Variants in C1QTNF3 observed in about 807,000 individuals in gnomAD.
The protein encoded by C1QTNF3 is complement C1q tumor necrosis factor-related protein 3.
Under a neutral mutation model 32.6 loss-of-function variants are expected in C1QTNF3, and 26 were observed. The observed-to-expected ratio is 0.80, with a 90% CI of 0.58 to 1.11. The LOEUF (loss-of-function observed/expected upper bound fraction) is 1.11. Among genes scored for constraint, C1QTNF3 ranks in the 50% least tolerant of loss-of-function variants. The pLI is 0.00. For missense variants in C1QTNF3, 362 were observed against 398.2 expected, an observed-to-expected ratio of 0.91 and a Z score of 0.77; for synonymous variants, 155 against 146.0, an observed-to-expected ratio of 1.06 and a Z score of -0.44.
chr5:34,209,247 T>C, the C1QTNF3 span, among the ~76,000 whole-genome samples: 1 of 151,950 alleles, frequency 6.6e-6, no homozygotes, highest in Non-Finnish European at 1.5e-5. Context: ...TTACTTACAT[T>C]GGACTAAAGA....
the C1QTNF3 span, among the ~76,000 whole-genome samples, chr5:34,183,430 A>T: frequency 8.5e-6 from 1 of 117,516 alleles, no homozygotes; most frequent in African/African-American, 3.4e-5. Flanking sequence ...TCTGGAGTTC[A>T]GGTGATTCTC....
chr5:34,064,166 A>T, the C1QTNF3 span, among the ~76,000 whole-genome samples: 2 of 152,164 alleles, frequency 1.3e-5, no homozygotes, highest in Non-Finnish European at 1.5e-5. Flanking sequence ...CAGCCACGCT[A>T]ATCTTTTTAA....
At position 34,020,308 on chromosome 5, in the gene C1QTNF3, C is replaced by T. The variant is rs112232502; in HGVS notation, c.*275G>A. The T allele has an allele frequency of 4.6e-4, 144 of 316,010 alleles. 1 individual carries two copies. The highest frequency in any genetic ancestry group is 2.5e-3 in the African/African-American group (116 of 46,972). The allele number at this position is 316,010 out of a possible 1,614,324, so 19.6% of individuals were successfully genotyped here. Reference sequence around the variant, plus strand: ...GATAGAAAAAAATATTTCCAACCTGCGTCAGAGGAGAATTATCTTTTAGGT... The same window carrying T: ...GATAGAAAAAAATATTTCCAACCTGTGTCAGAGGAGAATTATCTTTTAGGT... On this transcript the variant is annotated 3_prime_UTR_variant, in exon 6 of 6. Coordinates refer to ENST00000382065, the MANE Select transcript of C1QTNF3 (RefSeq NM_181435.6).
At chr5:34,162,442 G>A in the C1QTNF3 span, among the ~76,000 whole-genome samples, 1 of 152,148 alleles carries the variant, frequency 6.6e-6, no homozygotes, top group East Asian at 1.9e-4. Flanking sequence ...CCATTACATT[G>A]AGAATTAGGT....
chr5:34,034,106 A>AC (rs1754680948), intron 2 of C1QTNF3, among the ~76,000 whole-genome samples: 2 of 152,214 alleles, frequency 1.3e-5, no homozygotes, highest in African/African-American at 4.8e-5. Flanking sequence ...GGCCAAGGCT[A>AC]CAGGGAGCCT....
chr5:34,070,465 A>G, the C1QTNF3 span, among the ~76,000 whole-genome samples: 2 of 152,192 alleles, frequency 1.3e-5, no homozygotes, highest in African/African-American at 2.4e-5. Context: ...ATACCTCAAC[A>G]TACTATGCAG....
At chr5:34,034,318 G>A (rs1579606513) in intron 2 of C1QTNF3, among the ~76,000 whole-genome samples, 2 of 152,326 alleles carry the variant, frequency 1.3e-5, no homozygotes, top group South Asian at 2.1e-4. Context: ...TGTGGAACAT[G>A]AGTAATTTTC....
chr5:34,148,335 G>C, the C1QTNF3 span, among the ~76,000 whole-genome samples: 4 of 88,452 alleles, frequency 4.5e-5, no homozygotes, highest in African/African-American at 9.0e-5. Flanking sequence ...CAGGAAGCTC[G>C]AACTGGGTGG....
At chr5:34,068,135 T>G in the C1QTNF3 span, among the ~76,000 whole-genome samples, 1 of 152,202 alleles carries the variant, frequency 6.6e-6, no homozygotes, top group Non-Finnish European at 1.5e-5. Context: ...AACTGCCAGA[T>G]GCTGGAAATA....
At chr5:34,209,481 T>C in the C1QTNF3 span, among the ~76,000 whole-genome samples, 4 of 150,676 alleles carry the variant, frequency 2.7e-5, no homozygotes, top group African/African-American at 2.5e-5. Context: ...AAATGGAAAA[T>C]ATTGTTGAAA....
the C1QTNF3 span, among the ~76,000 whole-genome samples, chr5:34,217,072 T>C: frequency 6.6e-6 from 1 of 152,150 alleles, no homozygotes; most frequent in Non-Finnish European, 1.5e-5. Flanking sequence ...TAATAACTCT[T>C]GTGTCCATGT....
chr5:34,042,793 C>CA lies in C1QTNF3; in HGVS notation c.303+29dup, dbSNP rs538468468. The CA allele has an allele frequency of 3.8e-4, 598 of 1,582,296 alleles. 6 individuals carry two copies. In the South Asian group the frequency reaches 6.6e-3, roughly 18 times the overall value. On this transcript the variant is annotated intron_variant, in intron 1 of 5. Coordinates refer to ENST00000382065, the MANE Select transcript of C1QTNF3 (RefSeq NM_181435.6). ...AACAACAACACTCATTAAGCTTTCA[C>CA]AAAAATCCTTAGAAGAGAATTCTGA...
chr5:34,063,519 G>C, the C1QTNF3 span, among the ~76,000 whole-genome samples: 9 of 152,118 alleles, frequency 5.9e-5, no homozygotes, highest in African/African-American at 1.7e-4. Flanking sequence ...TTGTACTGGT[G>C]GGGGGGCTGG....
At chr5:34,056,442 G>C in the C1QTNF3 span, among the ~76,000 whole-genome samples, 1 of 52,086 alleles carries the variant, frequency 1.9e-5, no homozygotes, top group African/African-American at 7.7e-5. Context: ...GTGTGTGTGT[G>C]TGTGTGTGTG....
At chr5:34,045,358 T>C (rs138325969), upstream of C1QTNF3, among the ~76,000 whole-genome samples, 21 of 152,320 alleles carry the variant, frequency 1.4e-4, no homozygotes, top group East Asian at 3.3e-3. Context: ...CCCAGACCAA[T>C]TGAGTCAGAA....
the C1QTNF3 span, among the ~76,000 whole-genome samples, chr5:34,085,425 T>C: frequency 6.6e-6 from 1 of 151,370 alleles, no homozygotes; most frequent in Non-Finnish European, 1.5e-5. Flanking sequence ...CCTTTTCCCA[T>C]TGCTTGTTAT....
the C1QTNF3 span, among the ~76,000 whole-genome samples, chr5:34,105,146 T>C: frequency 3.8e-4 from 58 of 152,366 alleles, no homozygotes; most frequent in African/African-American, 1.3e-3. Context: ...TATGATGACA[T>C]GCACATTCAG....
the C1QTNF3 span, among the ~76,000 whole-genome samples, chr5:34,125,487 G>A: frequency 6.6e-6 from 1 of 152,034 alleles, no homozygotes; most frequent in South Asian, 2.1e-4. Context: ...TTAACACACT[G>A]AGTTTCACAT....
chr5:34,144,222 G>T, the C1QTNF3 span, among the ~76,000 whole-genome samples: 1 of 152,146 alleles, frequency 6.6e-6, no homozygotes, highest in Non-Finnish European at 1.5e-5. Context: ...TTAACTAACT[G>T]TCTTAAATAT....
Sources: gnomAD v4.1 joint callset for allele counts (sites outside exome capture counted in the v4.1 genomes callset) on GRCh38, gnomAD v4.1.1 for gene constraint, MANE v1.5 for transcripts, NCBI Gene and HGNC (gene_info 2026-07-23, HGNC 2026-07-21) for gene names.